Variants in ATP10D observed in about 807,000 individuals in gnomAD.
ATP10D encodes the protein phospholipid-transporting ATPase VD.
Under a neutral mutation model 144.8 loss-of-function variants are expected in ATP10D, and 89 were observed. The observed-to-expected ratio is 0.61, with a 90% CI of 0.52 to 0.73. The LOEUF is 0.73. Ranked by LOEUF, ATP10D falls within the 30% of genes least tolerant of loss-of-function variation. The pLI is 0.00. For synonymous variants in ATP10D, 571 were observed against 615.1 expected (o/e 0.93, Z 1.06); for missense variants, 1,603 against 1,714.8 (o/e 0.93, Z 1.15).
intron 15 of ATP10D, among the ~76,000 whole-genome samples, chr4:47,564,967 ATTTG>A (rs999420209): frequency 1.2e-3 from 179 of 151,728 alleles, no homozygotes; most frequent in African/African-American, 4.0e-3. Flanking sequence ...TCGTTTGTTT[ATTTG>A]TTTGTTTGTT....
intron 9 of ATP10D, among the ~76,000 whole-genome samples, chr4:47,538,722 T>G (rs1351269102): frequency 6.6e-6 from 1 of 152,200 alleles, no homozygotes; most frequent in Non-Finnish European, 1.5e-5. Flanking sequence ...GTTTTAGGAC[T>G]GAGGTCCTTG....
chr4:47,580,336 T>G, intron 19 of ATP10D, 62 bp from the exon 20 acceptor site: 1 of 1,286,548 alleles, frequency 7.8e-7, no homozygotes, highest in Non-Finnish European at 1.1e-6. Context: ...CTGGCTTGTG[T>G]TGTTTCTTTT....
intron 1 of ATP10D, among the ~76,000 whole-genome samples, chr4:47,499,033 A>G (rs1715546505): frequency 6.6e-6 from 1 of 152,196 alleles, no homozygotes; most frequent in Admixed American, 6.5e-5. Flanking sequence ...TCTGTGTGCT[A>G]GCTTCATTTT....
intron 1 of ATP10D, among the ~76,000 whole-genome samples, chr4:47,507,823 G>A (rs1161984935): frequency 6.6e-6 from 1 of 152,190 alleles, no homozygotes; most frequent in Non-Finnish European, 1.5e-5. Context: ...TGTCTGTTGT[G>A]TGGATCCCTC....
chr4:47,571,366 C>A (rs1719945593), intron 16 of ATP10D, among the ~76,000 whole-genome samples: 2 of 148,962 alleles, frequency 1.3e-5, no homozygotes, highest in South Asian at 4.2e-4. Context: ...TATATTATAA[C>A]TTATAATAAT....
intron 10 of ATP10D, among the ~76,000 whole-genome samples, chr4:47,551,314 T>C (rs1718723671): frequency 6.6e-6 from 1 of 152,152 alleles, no homozygotes. Context: ...CATGCAAGAT[T>C]GGGACAAAGA....
At position 47,560,952 on chromosome 4, in the gene ATP10D, A is replaced by T. The variant is rs138361998; in HGVS notation, c.2545A>T (p.Met849Leu). 4 of 1,614,158 alleles carry T rather than the reference A, an allele frequency of 2.5e-6. No individual in the cohort carries two copies. The highest frequency in any genetic ancestry group is 3.4e-6 in the Non-Finnish European group (4 of 1,179,978). The change falls in exon 14 of 23, where the codon ATG (methionine) becomes TTG (leucine). Residue 849 changes from methionine (M) to leucine (L), a missense_variant. Met to Leu is a conservative substitution (Grantham distance 15, BLOSUM62 2). Transcript: ENST00000273859. Reference sequence around the variant, plus strand: ...TCTCTTTTAATTCTTCCCGTAGGTCATGAGTGACACTGAATATGCAGAGTG... The same window carrying T: ...TCTCTTTTAATTCTTCCCGTAGGTCTTGAGTGACACTGAATATGCAGAGTG... ...LRTLCIAKKV[M>L]SDTEYAEWLR...
intron 20 of ATP10D, 68 bp downstream of exon 20, chr4:47,580,546 C>G: frequency 7.2e-7 from 1 of 1,398,566 alleles, no homozygotes; most frequent in Non-Finnish European, 1.0e-6. Context: ...ACTTTGCCAC[C>G]AATTTCAGCA....
rs1718894155 is a variant in ATP10D at position 47,554,804 on chromosome 4, G to A, written c.1714G>A (p.Glu572Lys). 1.2e-6 allele frequency: 2 copies of A among 1,613,928 alleles called. No homozygotes were observed. The highest frequency in any genetic ancestry group is 1.7e-6 in the Non-Finnish European group (2 of 1,179,972). ...ITPRLFMPLDETIQNPPMETL... is the reference protein window; with the variant it reads ...ITPRLFMPLDKTIQNPPMETL... ...ACCTCGGCTCTTTATGCCACTAGATGAGACCATCCAAAATCCACCAATGGA... is the reference window on the plus strand; with the variant it reads ...ACCTCGGCTCTTTATGCCACTAGATAAGACCATCCAAAATCCACCAATGGA... The change falls in exon 11 of 23, where the codon GAG becomes AAG. Residue 572 changes from glutamate (E) to lysine (K), a missense_variant. Coordinates refer to ENST00000273859, the MANE Select transcript of ATP10D (RefSeq NM_020453.4).
At chr4:47,554,648 C>T in intron 10 of ATP10D, 78 bp from the exon 11 acceptor site, 1 of 1,173,528 alleles carries the variant, frequency 8.5e-7, no homozygotes. Flanking sequence ...CCTGGCTATA[C>T]AAGTTATTTC....
intron 15 of ATP10D, among the ~76,000 whole-genome samples, chr4:47,566,696 G>A (rs142112494): frequency 6.6e-6 from 1 of 152,112 alleles, no homozygotes; most frequent in African/African-American, 2.4e-5. Context: ...TAGTTGCCCC[G>A]AGCTCTGAAT....
At chr4:47,549,493 G>T (rs1408423385) in intron 10 of ATP10D, among the ~76,000 whole-genome samples, 1 of 152,202 alleles carries the variant, frequency 6.6e-6, no homozygotes, top group East Asian at 1.9e-4. Flanking sequence ...GGGGTGCCTG[G>T]CACCATAGAT....
At chr4:47,496,644 ACATT>A (rs1194545425) in intron 1 of ATP10D, among the ~76,000 whole-genome samples, 1 of 152,162 alleles carries the variant, frequency 6.6e-6, no homozygotes, top group African/African-American at 2.4e-5. Context: ...GCTACATTCT[ACATT>A]CAGAGTCAAA....
Position 47,535,493 on chromosome 4 carries a change from G to A in ATP10D, c.777-16G>A. 11 of 1,589,204 alleles carry A rather than the reference G, an allele frequency of 6.9e-6. No individual in the cohort carries two copies. The highest frequency in any genetic ancestry group is 9.4e-6 in the Non-Finnish European group (11 of 1,166,798). ...TTGCTGTTTAAAAGTGAATTTATAT[G>A]CTGTCTTTCTTATAGAGAACATTCC... is the stretch of plus-strand genomic sequence containing the variant. On this transcript the variant is annotated splice_polypyrimidine_tract_variant and intron_variant, in intron 5 of 22. Coordinates refer to ENST00000273859, the MANE Select transcript of ATP10D (RefSeq NM_020453.4).
In ATP10D at chr4:47,557,772, G is replaced by A; in HGVS notation, c.1933G>A (p.Gly645Arg). Residue 645 changes from glycine (G) to arginine (R), a missense_variant, in exon 12 of 23, where the codon GGG (glycine) becomes AGG (arginine). Physicochemically the swap from Gly to Arg is moderately radical, Grantham distance 125. Transcript: ENST00000273859. ...RRSSSPSLNS[G>R]KEPSSGVPNA... ...ATCAAGTTCTCCATCGCTTAACAGT[G>A]GGAAAGAGCCATCTTCTGGAGTTCC... 6.2e-7 allele frequency: 1 copy of A among 1,614,200 alleles called. No individual in the cohort carries two copies. Among genetic ancestry groups the A allele is most frequent in the Non-Finnish European group, 8.5e-7 (1 of 1,180,034 alleles).
chr4:47,580,282 A>G, intron 19 of ATP10D, 116 bp from the exon 20 acceptor site: 1 of 828,386 alleles, frequency 1.2e-6, no homozygotes, highest in Non-Finnish European at 2.0e-6. Context: ...GACAAATACC[A>G]CTTGAAGAAA....
chr4:47,589,928 A>T (rs1720952990), intron 22 of ATP10D, among the ~76,000 whole-genome samples: 1 of 152,148 alleles, frequency 6.6e-6, no homozygotes, highest in Non-Finnish European at 1.5e-5. Flanking sequence ...CTGAAAAATT[A>T]AGTTACTGTT....
In ATP10D at chr4:47,525,565, A is replaced by G. The variant is rs750521686; in HGVS notation, c.699A>G (p.Glu233=). ...VVRGYAEQDS[E]VDPEKFSSRI... is the part of the protein sequence containing the mutation. Reference sequence around the variant, plus strand: ...TCAAAAAATATTTTTAGGACTCTGAAGTTGATCCTGAGAAGTTTTCCAGTA... The same window carrying G: ...TCAAAAAATATTTTTAGGACTCTGAGGTTGATCCTGAGAAGTTTTCCAGTA... Residue 233 remains glutamate (E), a synonymous_variant, in exon 5 of 23, where the codon GAA becomes GAG. Transcript: ENST00000273859. 1.2e-6 allele frequency: 2 copies of G among 1,611,654 alleles called. No individual in the cohort carries two copies.
At chr4:47,527,868 A>G (rs1227738805) in intron 5 of ATP10D, among the ~76,000 whole-genome samples, 2 of 152,156 alleles carry the variant, frequency 1.3e-5, no homozygotes, top group African/African-American at 4.8e-5. Context: ...ATTATATAAC[A>G]TGGCCATCCC....
Sources: allele counts gnomAD v4.1 joint callset (sites outside exome capture counted in the v4.1 genomes callset), GRCh38; gene constraint gnomAD v4.1.1; transcripts MANE v1.5; gene names NCBI Gene and HGNC (gene_info 2026-07-23, HGNC 2026-07-21).